The following TMEM132B variants were observed in gnomAD, a reference collection of about 807,000 sequenced individuals.
TMEM132B encodes the protein transmembrane protein 132B.
In TMEM132B, 18 loss-of-function variants were observed where a neutral mutation model predicts 90.8. The ratio of observed to expected loss-of-function variants is 0.20; its 90% CI spans 0.14 to 0.29. The LOEUF (loss-of-function observed/expected upper bound fraction) is 0.29. Ranked by LOEUF, TMEM132B falls within the 10% of genes least tolerant of loss-of-function variation. The probability of loss-of-function intolerance (pLI) is 1.00; values close to 1 mark genes in which losing one functional copy is unlikely to be tolerated. For missense variants in TMEM132B, 1,096 were observed against 1,326.8 expected, an observed-to-expected ratio of 0.83 and a Z score of 2.70; for synonymous variants, 504 against 523.3, an observed-to-expected ratio of 0.96 and a Z score of 0.50.
intron 1 of TMEM132B, among the ~76,000 whole-genome samples, chr12:125,188,863 A>AAAAAG (rs1565970769): frequency 1.0e-5 from 1 of 98,438 alleles, no homozygotes; most frequent in African/African-American, 2.8e-5. Context: ...AAAAAAAAAA[A>AAAAAG]AAAAAAAAAA....
chr12:125,515,223 C>G (rs911573206), intron 3 of TMEM132B, among the ~76,000 whole-genome samples: 2 of 141,496 alleles, frequency 1.4e-5, no homozygotes, highest in Non-Finnish European at 3.0e-5. Context: ...CACGTTCACA[C>G]ATTCTCTCAC....
chr12:125,554,267 CA>C (rs564329894), intron 4 of TMEM132B, among the ~76,000 whole-genome samples: 4 of 150,136 alleles, frequency 2.7e-5, no homozygotes, highest in South Asian at 4.2e-4. Flanking sequence ...ACTAAAAATA[CA>C]AAAAAAATTA....
intron 1 of TMEM132B, among the ~76,000 whole-genome samples, chr12:125,346,655 C>T (rs771807023): frequency 2.6e-5 from 4 of 152,206 alleles, no homozygotes; most frequent in Non-Finnish European, 4.4e-5. Flanking sequence ...CCCTTGGTGG[C>T]GGCAGCAGCT....
chr12:125,279,597 A>G (rs1290835235), intron 1 of TMEM132B, among the ~76,000 whole-genome samples: 1 of 152,112 alleles, frequency 6.6e-6, no homozygotes, highest in Non-Finnish European at 1.5e-5. Flanking sequence ...GCTTTGTGTG[A>G]CCCTCATGGG....
intron 4 of TMEM132B, among the ~76,000 whole-genome samples, chr12:125,547,005 T>A (rs1360711399): frequency 2.0e-5 from 3 of 152,122 alleles, no homozygotes; most frequent in Non-Finnish European, 4.4e-5. Context: ...GGAAGCCCCT[T>A]ATGAAACCAT....
chr12:125,324,162 GT>G (rs546530713), intron 1 of TMEM132B, among the ~76,000 whole-genome samples: 54 of 152,248 alleles, frequency 3.5e-4, no homozygotes, highest in African/African-American at 1.3e-3. Context: ...TCAAATCTCT[GT>G]TCAATAACTT....
intron 1 of TMEM132B, among the ~76,000 whole-genome samples, chr12:125,266,278 G>T (rs1370661127): frequency 1.3e-5 from 2 of 152,154 alleles, no homozygotes; most frequent in East Asian, 3.8e-4. Flanking sequence ...AGAATATGCA[G>T]CAAAGACTAA....
intron 5 of TMEM132B, among the ~76,000 whole-genome samples, chr12:125,601,624 C>T (rs1232752751): frequency 6.6e-6 from 1 of 152,026 alleles, no homozygotes; most frequent in African/African-American, 2.4e-5. Flanking sequence ...CAGAGCAGAA[C>T]TGAAGGAGAT....
chr12:125,392,388 C>G (rs1313681101), intron 2 of TMEM132B, among the ~76,000 whole-genome samples: 1 of 152,180 alleles, frequency 6.6e-6, no homozygotes, highest in Non-Finnish European at 1.5e-5. Context: ...AATACATTCA[C>G]TCGCTTAATG....
intron 5 of TMEM132B, among the ~76,000 whole-genome samples, chr12:125,636,427 A>G (rs927554025): frequency 1.3e-5 from 2 of 152,112 alleles, no homozygotes; most frequent in East Asian, 1.9e-4. Context: ...TCCTAATTGT[A>G]TTCCCTATTA....
In TMEM132B at chr12:125,234,764, G is replaced by T. The variant is rs191649509; in HGVS notation, c.67+47898G>T. The stretch of plus-strand genomic sequence containing the variant: ...CCAGACACCAGGATGCACCTAAAAT[G>T]ATAACACCTCCAGATGGACTTCTCT... On this transcript the variant is annotated intron_variant, in intron 1 of 8. Coordinates refer to ENST00000682704, the MANE Select transcript of TMEM132B (RefSeq NM_001366854.1). Among the ~76,000 whole-genome samples, 340 of 152,298 alleles carry T rather than the reference G, an allele frequency of 2.2e-3. 3 individuals carry two copies. Among genetic ancestry groups the T allele is most frequent in the Non-Finnish European group, 2.8e-3 (190 of 68,018 alleles).
intron 4 of TMEM132B, among the ~76,000 whole-genome samples, chr12:125,534,942 G>T (rs1883758217): frequency 6.6e-6 from 1 of 152,142 alleles, no homozygotes; most frequent in Admixed American, 6.5e-5. Context: ...ACCACATCTG[G>T]CAGCACAGAT....
Position 125,458,257 on chromosome 12 carries a change from G to A in TMEM132B, c.1106+42580G>A, listed in dbSNP as rs1415668953. Among the ~76,000 whole-genome samples the A allele has an allele frequency of 2.0e-5, 3 of 151,976 alleles. No homozygotes were observed. Among genetic ancestry groups the A allele is most frequent in the Non-Finnish European group, 4.4e-5 (3 of 67,988 alleles). ...TCCAAGGACAAGGGATGGAGCCTGG[G>A]ACACAAGTCCTAGTCATGTGCGTTT... On this transcript the variant is annotated intron_variant, in intron 3 of 8. Transcript: ENST00000682704. The surrounding 1 kb of genome is among the most constrained non-coding windows in gnomAD (Gnocchi z 4.9).
intron 4 of TMEM132B, among the ~76,000 whole-genome samples, chr12:125,554,033 GA>G (rs1337042095): frequency 6.6e-6 from 1 of 151,946 alleles, no homozygotes; most frequent in African/African-American, 2.4e-5. Flanking sequence ...ACAGGGAAAT[GA>G]AAAAAATAGT....
chr12:125,339,885 T>C (rs528800932), intron 1 of TMEM132B, among the ~76,000 whole-genome samples: 3 of 152,328 alleles, frequency 2.0e-5, no homozygotes, highest in Admixed American at 2.0e-4. Flanking sequence ...GGTTAGGACT[T>C]GAACGTATGA....
intron 5 of TMEM132B, among the ~76,000 whole-genome samples, chr12:125,591,025 GTGTGTGTGTGTT>G (rs1005408052): frequency 2.0e-5 from 3 of 151,930 alleles, no homozygotes; most frequent in African/African-American, 7.3e-5. Flanking sequence ...GCCCGCGTGT[GTGTGTGTGTGTT>G]TGTGTGTGTG....
intron 1 of TMEM132B, among the ~76,000 whole-genome samples, chr12:125,315,575 A>G (rs1157282982): frequency 6.6e-6 from 1 of 152,204 alleles, no homozygotes; most frequent in Non-Finnish European, 1.5e-5. Flanking sequence ...AACTCAAGCA[A>G]TCCTCATGAT....
chr12:125,660,082 C>A lies in TMEM132B; in HGVS notation c.*5372C>A, dbSNP rs1887170185. Reference sequence around the variant, plus strand: ...TGGGCAACATGGTGAAACCCTGTCTCTACTAAAAATACAAAAATTATCCAG... The same window carrying A: ...TGGGCAACATGGTGAAACCCTGTCTATACTAAAAATACAAAAATTATCCAG... On this transcript the variant is annotated 3_prime_UTR_variant, in exon 9 of 9. Coordinates refer to ENST00000682704, the MANE Select transcript of TMEM132B (RefSeq NM_001366854.1). 1 of 152,392 alleles carries A rather than the reference C, an allele frequency of 6.6e-6. No homozygotes were observed. The highest frequency in any genetic ancestry group is 1.5e-5 in the Non-Finnish European group (1 of 68,236). The allele number at this position is 152,392 out of a possible 1,614,324, so 9.4% of individuals were successfully genotyped here.
intron 1 of TMEM132B, among the ~76,000 whole-genome samples, chr12:125,261,728 A>G (rs183270367): frequency 4.6e-5 from 7 of 152,324 alleles, no homozygotes; most frequent in East Asian, 3.9e-4. Context: ...TGGAAGATTT[A>G]TTTAACCAGA....
Sources: gnomAD v4.1 joint callset for allele counts (sites outside exome capture counted in the v4.1 genomes callset) on GRCh38, gnomAD v4.1.1 for gene constraint, Gnocchi (gnomAD v3.1) non-coding constraint, MANE v1.5 for transcripts, NCBI Gene and HGNC (gene_info 2026-07-23, HGNC 2026-07-21) for gene names.